The following MYO16 variants were observed in gnomAD, a reference collection of about 807,000 sequenced individuals.
MYO16 encodes the protein unconventional myosin-XVI.
Under a neutral mutation model 205.3 loss-of-function variants are expected in MYO16, and 94 were observed. That is an observed-to-expected ratio of 0.46 (90% CI 0.39 to 0.54). MYO16 has a LOEUF of 0.54. Ranked by LOEUF, MYO16 falls within the 20% of genes least tolerant of loss-of-function variation. The pLI is 0.00. For synonymous variants in MYO16, 988 were observed against 954.0 expected (o/e 1.04, Z -0.66); for missense variants, 2,315 against 2,387.5 (o/e 0.97, Z 0.63).
chr13:108,980,070 G>A (rs1884401160), intron 20 of MYO16, among the ~76,000 whole-genome samples: 1 of 152,012 alleles, frequency 6.6e-6, no homozygotes, highest in African/African-American at 2.4e-5. Context: ...AGATGGAGAG[G>A]AAAATAGATT....
chr13:108,745,400 T>C lies in MYO16; in HGVS notation c.507+17817T>C, dbSNP rs115998776. 5.1e-3 allele frequency among the ~76,000 whole-genome samples: 784 copies of C among 152,246 alleles called. 8 individuals are homozygous for C. The highest frequency in any genetic ancestry group is 0.018 in the African/African-American group (743 of 41,552). On this transcript the variant is annotated intron_variant, in intron 4 of 34. Transcript: ENST00000457511. ...ACTCACCAGGTTCCCACAAGGAAGA[T>C]TGGAGAGAGGTCCTTTTATGTATAA... is the stretch of plus-strand genomic sequence containing the variant.
chr13:109,023,950 T>C (rs1286090737), intron 23 of MYO16, among the ~76,000 whole-genome samples: 1 of 141,848 alleles, frequency 7.0e-6, no homozygotes, highest in Admixed American at 7.2e-5. Context: ...AATATATGTA[T>C]ATAAATATAT....
chr13:108,856,934 T>C (rs2787078), intron 11 of MYO16, among the ~76,000 whole-genome samples: 42,016 of 152,080 alleles, frequency 0.28, 6,125 homozygotes, highest in East Asian at 0.44. Flanking sequence ...ATCTTCTCTA[T>C]GGCCCACCAC....
intron 28 of MYO16, among the ~76,000 whole-genome samples, chr13:109,114,430 C>G (rs1875568602): frequency 6.6e-6 from 1 of 152,214 alleles, no homozygotes; most frequent in Non-Finnish European, 1.5e-5. Flanking sequence ...CATCTTATCT[C>G]TGGCACTAAC....
intron 16 of MYO16, among the ~76,000 whole-genome samples, chr13:108,919,935 A>C (rs929047433): frequency 1.3e-5 from 2 of 152,248 alleles, no homozygotes; most frequent in Non-Finnish European, 2.9e-5. Flanking sequence ...CTGACTGTGA[A>C]TATTCATATG....
At chr13:108,948,950 C>CTAA (rs1327607353) in intron 16 of MYO16, among the ~76,000 whole-genome samples, 1 of 152,228 alleles carries the variant, frequency 6.6e-6, no homozygotes, top group African/African-American at 2.4e-5. Context: ...CTTTGGAAGA[C>CTAA]ATAGCATCAG....
At chr13:108,495,933 G>A in the MYO16 span, among the ~76,000 whole-genome samples, 1 of 151,982 alleles carries the variant, frequency 6.6e-6, no homozygotes, top group African/African-American at 2.4e-5. Flanking sequence ...AGGTAGGGGC[G>A]TCGGCGGGGC....
At chr13:108,592,235 G>C, upstream of MYO16, among the ~76,000 whole-genome samples, 1 of 109,898 alleles carries the variant, frequency 9.1e-6, no homozygotes, top group Admixed American at 9.0e-5. Flanking sequence ...GGGGAGCTGT[G>C]TGTGTGGGAG....
chr13:108,808,444 T>C (rs899629905), intron 7 of MYO16, among the ~76,000 whole-genome samples: 13 of 151,986 alleles, frequency 8.6e-5, no homozygotes, highest in African/African-American at 1.2e-4. Context: ...CCCAAGTAGC[T>C]GGGACTACAG....
intron 4 of MYO16, among the ~76,000 whole-genome samples, chr13:108,766,940 G>A: frequency 6.6e-6 from 1 of 152,064 alleles, no homozygotes; most frequent in Middle Eastern, 3.2e-3. Context: ...GTGAGTAGCT[G>A]GGATACACAC....
At chr13:108,540,195 G>A in the MYO16 span, among the ~76,000 whole-genome samples, 1 of 152,034 alleles carries the variant, frequency 6.6e-6, no homozygotes, top group African/African-American at 2.4e-5. Context: ...ACACTGGTAG[G>A]AAAATATTTG....
At chr13:108,997,408 G>GAGGAAAGGGA (rs1885063452) in intron 21 of MYO16, among the ~76,000 whole-genome samples, 2 of 84,148 alleles carry the variant, frequency 2.4e-5, no homozygotes, top group Non-Finnish European at 5.0e-5. Flanking sequence ...GGGAGAGTGG[G>GAGGAAAGGGA]AGGAAAGGAA....
At chr13:109,032,044 C>T (rs919051257) in intron 23 of MYO16, among the ~76,000 whole-genome samples, 3 of 152,124 alleles carry the variant, frequency 2.0e-5, no homozygotes, top group Non-Finnish European at 4.4e-5. Flanking sequence ...CTGTGCTTCA[C>T]GTGTGCAAAG....
At position 108,661,326 on chromosome 13, in the gene MYO16, G is replaced by A. The variant is rs182091761; in HGVS notation, c.29-4560G>A. Among the ~76,000 whole-genome samples, 92 of 152,064 alleles carry A rather than the reference G, an allele frequency of 6.1e-4. 1 individual carries two copies. Among genetic ancestry groups the A allele is most frequent in the African/African-American group, 2.1e-3 (86 of 41,476 alleles). ...GTGCTTCTTCTATTTAGATGTCTAG[G>A]TCTCTCTCAAGGCTGGGGAAATTTT... On this transcript the variant is annotated intron_variant, in intron 1 of 34. Transcript: ENST00000457511.
intron 9 of MYO16, among the ~76,000 whole-genome samples, chr13:108,833,772 A>G (rs968312186): frequency 1.3e-5 from 2 of 152,206 alleles, no homozygotes; most frequent in Non-Finnish European, 2.9e-5. Flanking sequence ...TAAATCCAGT[A>G]GAGTTCAGAA....
chr13:108,727,332 C>A, intron 3 of MYO16, 108 bp from the exon 4 acceptor site: 2 of 1,205,666 alleles, frequency 1.7e-6, no homozygotes, highest in Admixed American at 2.4e-5. Context: ...CTTCACCTCT[C>A]AACTCCCAAA....
chr13:108,925,753 G>A (rs562542825), intron 16 of MYO16, among the ~76,000 whole-genome samples: 9 of 152,170 alleles, frequency 5.9e-5, no homozygotes, highest in African/African-American at 1.2e-4. Flanking sequence ...ACAGGACTTC[G>A]CTCCCATCAT....
intron 5 of MYO16, among the ~76,000 whole-genome samples, chr13:108,789,798 G>A (rs1384122086): frequency 6.6e-6 from 1 of 152,116 alleles, no homozygotes; most frequent in Non-Finnish European, 1.5e-5. Flanking sequence ...ATAGTGAATT[G>A]CAAATGCCTG....
rs181359891 is a variant in MYO16, at chr13:108,866,454, T to C, written c.1425+212T>C. 4.7e-4 allele frequency among the ~76,000 whole-genome samples: 71 copies of C among 152,334 alleles called. No homozygotes were observed. The East Asian group carries it at 0.013, about 27-fold the overall frequency. On this transcript the variant is annotated intron_variant, in intron 12 of 34. Coordinates refer to ENST00000457511, the MANE Select transcript of MYO16 (RefSeq NM_001198950.3). ...TCAAAATGTTTCTTTGCACTTAAAA[T>C]GTGTAATTTGTTTATGACTATAGCC...
Sources: allele counts gnomAD v4.1 joint callset (sites outside exome capture counted in the v4.1 genomes callset), GRCh38; gene constraint gnomAD v4.1.1; transcripts MANE v1.5; gene names NCBI Gene and HGNC (gene_info 2026-07-23, HGNC 2026-07-21).